Variants in BRCA1 observed in about 807,000 individuals in gnomAD.
BRCA1 encodes BRCA1 DNA repair associated.
BRCA1 carries 140 observed loss-of-function variants against 173.7 expected under a neutral mutation model. That is an observed-to-expected ratio of 0.81 (90% CI 0.70 to 0.93). The LOEUF (loss-of-function observed/expected upper bound fraction) is 0.93, where lower values mean the gene tolerates loss of function less well. BRCA1 is among the 40% of genes least tolerant of loss of function. BRCA1 has a pLI of 0.00. For missense variants in BRCA1, 1,983 were observed against 2,172.5 expected (o/e 0.91, Z 1.73); for synonymous variants, 662 against 756.0 (o/e 0.88, Z 2.04).
At chr17:43,128,115 T>C (rs879350609), upstream of BRCA1, among the ~76,000 whole-genome samples, 14 of 151,752 alleles carry the variant, frequency 9.2e-5, no homozygotes, top group Admixed American at 4.6e-4. Flanking sequence ...GGAAGCTTTG[T>C]TCTTGTGCTC....
chr17:43,091,689 TGAG>T lies in BRCA1; in HGVS notation c.3839_3841del (p.Ser1280_Gln1281delinsTer). ...TGTTTCCTCACTAAGGTGATGTTCC[TGAG>T]ATGCCTTTGCCAATATTACCTGGTT... On this transcript the variant is annotated stop_gained and inframe_deletion, in exon 10 of 23. Transcript: ENST00000357654. LOFTEE classifies it high-confidence loss of function. 1.2e-6 allele frequency: 2 copies of T among 1,612,702 alleles called. No homozygotes were observed. Among genetic ancestry groups the T allele is most frequent in the Non-Finnish European group, 1.7e-6 (2 of 1,178,638 alleles).
At chr17:43,100,628 TATGTTATATATATATAAC>T (rs1567807342) in intron 6 of BRCA1, among the ~76,000 whole-genome samples, 1 of 82,402 alleles carries the variant, frequency 1.2e-5, no homozygotes, top group Non-Finnish European at 2.1e-5. Flanking sequence ...AACATATATA[TATGTTATATATATATAAC>T]ATATATATAA....
Position 43,044,392 on chromosome 17 carries a change from G to C in BRCA1, c.*1286C>G, listed in dbSNP as rs548275991. The C allele has an allele frequency of 3.4e-5, 17 of 505,896 alleles. No individual in the cohort carries two copies. Among genetic ancestry groups the C allele is most frequent in the African/African-American group, 1.1e-4 (6 of 52,384 alleles). The allele number at this position is 505,896 out of a possible 1,614,324, so 31.3% of individuals were successfully genotyped here. ...AAGTCTTCACTGCCCTTGCACACTG[G>C]GGGGGCTAGGGAAGACCTAGTCCTT... On this transcript the variant is annotated 3_prime_UTR_variant, in exon 23 of 23. Transcript: ENST00000357654.
intron 1 of BRCA1, chr17:43,124,918 G>T: frequency 3.2e-6 from 1 of 311,922 alleles, no homozygotes; most frequent in South Asian, 2.6e-5. Context: ...GCTAATTTTT[G>T]TATTTTTAGT....
intron 1 of BRCA1, 186 bp downstream of exon 1, chr17:43,125,085 C>A: frequency 4.5e-6 from 2 of 448,738 alleles, no homozygotes; most frequent in East Asian, 1.4e-4. Context: ...TCCTGATCCT[C>A]AGCGCTTCCC....
In BRCA1 at chr17:43,044,989, A is replaced by C. The variant is rs2050815132; in HGVS notation, c.*689T>G. 2.0e-6 allele frequency: 1 copy of C among 489,478 alleles called. No individual in the cohort carries two copies. The highest frequency in any genetic ancestry group is 4.0e-6 in the Non-Finnish European group (1 of 248,422). The allele number at this position is 489,478 out of a possible 1,614,324, so 30.3% of individuals were successfully genotyped here. ...CGGCTAATTTCTGTATTTTTAGTAG[A>C]GATGGGGTTTCACCATGTTGGCCAG... On this transcript the variant is annotated 3_prime_UTR_variant, in exon 23 of 23. Transcript: ENST00000357654.
chr17:43,052,692 C>A (rs765634136), intron 19 of BRCA1, among the ~76,000 whole-genome samples: 2 of 149,880 alleles, frequency 1.3e-5, no homozygotes, highest in Non-Finnish European at 1.5e-5. Flanking sequence ...AAAGAGACTG[C>A]GATAGAGAAA....
intron 1 of BRCA1, among the ~76,000 whole-genome samples, chr17:43,132,358 G>T (rs1446111532): frequency 6.6e-6 from 1 of 152,074 alleles, no homozygotes; most frequent in Non-Finnish European, 1.5e-5. Context: ...TCATTGGGTT[G>T]CCCTGAGCCC....
chr17:43,138,468 A>G (rs1022236328), intron 1 of BRCA1: 6 of 606,618 alleles, frequency 9.9e-6, no homozygotes, highest in South Asian at 9.8e-5. Flanking sequence ...GGTCTCCACC[A>G]TGTGACTCCA....
chr17:43,152,552 CTA>C (rs1268872260), intron 1 of BRCA1, among the ~76,000 whole-genome samples: 1 of 151,710 alleles, frequency 6.6e-6, no homozygotes, highest in Non-Finnish European at 1.5e-5. Context: ...AACCCTGTCT[CTA>C]TTAAAAATAC....
rs886038036 is a variant in BRCA1 at position 43,071,107 on chromosome 17, GA to G, written c.4806del (p.Gln1604AsnfsTer2). 1 of 1,614,138 alleles carries G rather than the reference GA, an allele frequency of 6.2e-7. No homozygotes were observed. Among genetic ancestry groups the G allele is most frequent in the Non-Finnish European group, 8.5e-7 (1 of 1,180,014 alleles). ...GCAGATTCTGCAACTTTCAATTGGGGAACTTTCAATGCAGAGGTTGAAGATG... is the reference window on the plus strand; with the variant it reads ...GCAGATTCTGCAACTTTCAATTGGGGACTTTCAATGCAGAGGTTGAAGATG... ...NIPSSTSALK[V>X]PQLKVAESAQ... On this transcript the variant is annotated frameshift_variant, in exon 15 of 23. Transcript: ENST00000357654. LOFTEE classifies it high-confidence loss of function.
At chr17:43,049,282 T>A in intron 20 of BRCA1, 88 bp from the exon 21 acceptor site, 1 of 1,170,466 alleles carries the variant, frequency 8.5e-7, no homozygotes, top group Non-Finnish European at 1.3e-6. Flanking sequence ...GATGAAGGCT[T>A]ATAGCAAGAC....
At chr17:43,107,382 ATTTTTTT>A (rs762948688) in intron 3 of BRCA1, among the ~76,000 whole-genome samples, 2 of 118,522 alleles carry the variant, frequency 1.7e-5, no homozygotes, top group Admixed American at 1.7e-4. Context: ...TATTTTCTTA[ATTTTTTT>A]TTTTTTTTTT....
In BRCA1 at chr17:43,154,015, C is replaced by T. The variant is rs371038033; in HGVS notation, c.-20+16111G>A. 3.4e-4 allele frequency among the ~76,000 whole-genome samples: 52 copies of T among 152,012 alleles called. No individual in the cohort carries two copies. In the South Asian group the frequency reaches 8.7e-3, roughly 26 times the overall value. ...CATCCTGGACAACATGGTGAAACCC[C>T]GTCTCTACTAAAAATACAAAAATTA... On this transcript the variant is annotated intron_variant, in intron 1 of 7. Coordinates refer to the BRCA1 transcript ENST00000634433.
Position 43,093,923 on chromosome 17 carries a change from A to C in BRCA1, c.1608T>G (p.Thr536=), listed in dbSNP as rs1555591482. The C allele has an allele frequency of 6.2e-7, 1 of 1,613,942 alleles. No individual in the cohort carries two copies. The highest frequency in any genetic ancestry group is 1.1e-5 in the South Asian group (1 of 91,064). Residue 536 remains threonine, a synonymous_variant, in exon 10 of 23, where the codon ACT becomes ACG. Coordinates refer to ENST00000357654, the MANE Select transcript of BRCA1 (RefSeq NM_007294.4). The part of the protein sequence containing the change: ...QKTPEMINQG[T]NQTEQNGQVM... ...CTTGACCATTCTGCTCCGTTTGGTT[A>C]GTTCCCTGATTTATCATTTCAGGAG...
chr17:43,106,209 T>C (rs2054755952), intron 4 of BRCA1, among the ~76,000 whole-genome samples: 1 of 152,090 alleles, frequency 6.6e-6, no homozygotes, highest in Non-Finnish European at 1.5e-5. Context: ...AGCCCTACTT[T>C]ACATAAGTCT....
chr17:43,045,904 T>C (rs887578044), intron 22 of BRCA1, 102 bp from the exon 23 acceptor site: 2 of 1,487,280 alleles, frequency 1.3e-6, no homozygotes, highest in African/African-American at 2.8e-5. Context: ...GTTCTTAGGA[T>C]TAATGAGGTA....
In BRCA1 at chr17:43,099,453, T is replaced by C. The variant is rs142085161; in HGVS notation, c.547+322A>G. Among the ~76,000 whole-genome samples the C allele has an allele frequency of 2.7e-3, 412 of 151,814 alleles. 1 individual carries two copies. Among genetic ancestry groups the C allele is most frequent in the African/African-American group, 9.3e-3 (386 of 41,436 alleles). ...ACCTGGCTAATTTTTTATTTTTTGG[T>C]ACAGACAGAGTTTCTCCATGTTGGC... On this transcript the variant is annotated intron_variant, in intron 7 of 22. Transcript: ENST00000357654.
At chr17:43,155,792 G>A (rs575690184) in intron 1 of BRCA1, among the ~76,000 whole-genome samples, 7 of 152,056 alleles carry the variant, frequency 4.6e-5, no homozygotes, top group Admixed American at 1.3e-4. Context: ...GCCTCAGCTG[G>A]GATTACAGGT....
Sources: gnomAD v4.1 joint callset for allele counts (sites outside exome capture counted in the v4.1 genomes callset) on GRCh38, gnomAD v4.1.1 for gene constraint, MANE v1.5 for transcripts, NCBI Gene and HGNC (gene_info 2026-07-23, HGNC 2026-07-21) for gene names.